MRPS31: variants seen among roughly 807,000 people sequenced by gnomAD.
MRPS31 encodes the protein mitochondrial ribosomal protein S31, also known as small ribosomal subunit protein mS31.
In MRPS31, 32 loss-of-function variants were observed where a neutral mutation model predicts 43.1. That is an observed-to-expected ratio of 0.74 (90% confidence interval 0.56 to 1.00). The LOEUF (loss-of-function observed/expected upper bound fraction) is 1.00. Ranked by LOEUF, MRPS31 falls within the 50% of genes least tolerant of loss-of-function variation. The pLI, the probability that MRPS31 is intolerant of heterozygous loss-of-function variation, is 0.00. For synonymous variants in MRPS31, 165 were observed against 161.6 expected (o/e 1.02, Z -0.16); for missense variants, 437 against 466.7 (o/e 0.94, Z 0.59).
At chr13:40,735,705 C>T (rs1463257641) in intron 6 of MRPS31, among the ~76,000 whole-genome samples, 1 of 151,964 alleles carries the variant, frequency 6.6e-6, no homozygotes, top group Non-Finnish European at 1.5e-5. Flanking sequence ...CTCCAACAGA[C>T]CTGCAGCTGA....
At chr13:40,762,084 G>GA (rs796507263) in intron 2 of MRPS31, among the ~76,000 whole-genome samples, 169 of 142,152 alleles carry the variant, frequency 1.2e-3, no homozygotes, top group African/African-American at 1.1e-3. Context: ...TCTACAAAAA[G>GA]AAAAAAAAAA....
rs986319692 is a variant in MRPS31, at chr13:40,729,249, G to A, written c.*123C>T. The A allele has an allele frequency of 2.8e-5, 16 of 561,512 alleles. No homozygotes were observed. Among genetic ancestry groups the A allele is most frequent in the African/African-American group, 2.7e-4 (14 of 52,792 alleles). The allele number at this position is 561,512 out of a possible 1,614,324, so 34.8% of individuals were successfully genotyped here. On this transcript the variant is annotated 3_prime_UTR_variant, in exon 7 of 7. Transcript: ENST00000323563. ...TTACCATCATATTTTTGAAAACAAT[G>A]TAACATTTATACCAGCCAAATCAAA...
At position 40,758,931 on chromosome 13, in the gene MRPS31, G is replaced by A. The variant is rs2138012949; in HGVS notation, c.599+17C>T. 4 of 1,549,294 alleles carry A rather than the reference G, an allele frequency of 2.6e-6. No homozygotes were observed. In the East Asian group the frequency reaches 9.2e-5, roughly 36 times the overall value. ...TGAGATATAAACATTACTGACTTAA[G>A]GGTTTGATTCACTCACCTAATTTTA... On this transcript the variant is annotated intron_variant, in intron 3 of 6. Transcript: ENST00000323563.
chr13:40,761,657 TC>T (rs1880698293), intron 2 of MRPS31, among the ~76,000 whole-genome samples: 1 of 152,310 alleles, frequency 6.6e-6, no homozygotes, highest in Admixed American at 6.5e-5. Flanking sequence ...ATCTATTCTA[TC>T]CTGTAATTAA....
rs1880615202 is a variant in MRPS31, at chr13:40,758,984, G to A, written c.563C>T (p.Ser188Leu). 1.2e-6 allele frequency: 2 copies of A among 1,606,878 alleles called. No homozygotes were observed. The highest frequency in any genetic ancestry group is 1.7e-6 in the Non-Finnish European group (2 of 1,177,790). ...LSQLQQHEEE[S>L]RAQRDAKRPK... ...TCGCTTTGCATCTCTCTGTGCCCTT[G>A]ACTCTTCCTCATGCTGCTGGAGCTG... Residue 188 changes from serine to leucine, a missense_variant, in exon 3 of 7, where the codon TCA becomes TTA. Ser to Leu is a moderately radical substitution (Grantham distance 145). Transcript: ENST00000323563.
chr13:40,765,639 C>T (rs1358668671), intron 2 of MRPS31, among the ~76,000 whole-genome samples: 5 of 152,156 alleles, frequency 3.3e-5, no homozygotes, highest in African/African-American at 1.2e-4. Flanking sequence ...ACTACCCAAT[C>T]ATACTTTCTA....
chr13:40,768,981 T>C (rs1302657673), intron 1 of MRPS31, among the ~76,000 whole-genome samples: 2 of 152,172 alleles, frequency 1.3e-5, no homozygotes, highest in Non-Finnish European at 2.9e-5. Flanking sequence ...GGGAGCTGAC[T>C]TAAAACACAA....
intron 6 of MRPS31, among the ~76,000 whole-genome samples, chr13:40,746,917 G>A (rs1880253787): frequency 6.6e-6 from 1 of 152,066 alleles, no homozygotes; most frequent in Non-Finnish European, 1.5e-5. Context: ...TGTATAATGA[G>A]TCCTATTATT....
chr13:40,734,135 A>T (rs1879798869), intron 6 of MRPS31, among the ~76,000 whole-genome samples: 1 of 152,158 alleles, frequency 6.6e-6, no homozygotes, highest in Admixed American at 6.5e-5. Context: ...AATGGAGCAA[A>T]GGCTTATTGT....
chr13:40,764,751 T>C (rs1462007945), intron 2 of MRPS31, among the ~76,000 whole-genome samples: 2 of 152,090 alleles, frequency 1.3e-5, no homozygotes, highest in Non-Finnish European at 2.9e-5. Flanking sequence ...GACCTATGAG[T>C]GAGCAAACTT....
intron 6 of MRPS31, among the ~76,000 whole-genome samples, chr13:40,739,663 A>C (rs974368332): frequency 6.6e-6 from 1 of 152,084 alleles, no homozygotes; most frequent in Non-Finnish European, 1.5e-5. Context: ...ATCTTTGACA[A>C]ACCTGAGAAA....
At chr13:40,757,313 T>C (rs567650529) in intron 3 of MRPS31, among the ~76,000 whole-genome samples, 45 of 152,318 alleles carry the variant, frequency 3.0e-4, no homozygotes, top group South Asian at 6.2e-4. Flanking sequence ...GTATCTGTTA[T>C]ACCTATCACC....
Position 40,751,665 on chromosome 13 carries a change from C to T in MRPS31, c.814+2354G>A, listed in dbSNP as rs370568682. Among the ~76,000 whole-genome samples the T allele has an allele frequency of 8.1e-4, 124 of 152,294 alleles. 3 individuals carry two copies. In the South Asian group the frequency reaches 0.024, roughly 29 times the overall value. On this transcript the variant is annotated intron_variant, in intron 5 of 6. Transcript: ENST00000323563. The stretch of plus-strand genomic sequence containing the variant: ...TACTGAATGCCAACTGTATTTCCAG[C>T]ATTATTTCAGGTGGTGGGAAAACAA...
intron 6 of MRPS31, among the ~76,000 whole-genome samples, chr13:40,748,442 C>T (rs1880300727): frequency 6.6e-6 from 1 of 152,254 alleles, no homozygotes; most frequent in Non-Finnish European, 1.5e-5. Context: ...CAGGCGTGAG[C>T]CGCACCCAGC....
In MRPS31 at chr13:40,729,486, A is replaced by G; in HGVS notation, c.1074T>C (p.Leu358=). The G allele has an allele frequency of 5.6e-6, 9 of 1,613,826 alleles. No homozygotes were observed. Among genetic ancestry groups the G allele is most frequent in the Non-Finnish European group, 7.6e-6 (9 of 1,179,812 alleles). Residue 358 remains leucine, a synonymous_variant, in exon 7 of 7, where the codon CTT becomes CTC. Transcript: ENST00000323563. ...TAACACTAAGATATGGGTTTTTGGA[A>G]AGGCCACAAGTCACCAGCTCCATGA... ...RHFMELVTCG[L]SKNPYLSVKQ...
chr13:40,766,840 G>T lies in MRPS31; in HGVS notation c.346C>A (p.Arg116=), dbSNP rs775319985. 6.2e-7 allele frequency: 1 copy of T among 1,613,914 alleles called. No homozygotes were observed. The highest frequency in any genetic ancestry group is 2.2e-5 in the East Asian group (1 of 44,876). ...CTTCTTTTGGGGGGCTTTGTTGTTC[G>T]TACATTTACTGTGCTTAATTCAACT... ...MKVELSTVNV[R]TTKPPKRRPL... is the part of the protein sequence containing the mutation. Residue 116 remains arginine, a synonymous_variant, in exon 2 of 7, where the codon CGA becomes AGA. Coordinates refer to ENST00000323563, the MANE Select transcript of MRPS31 (RefSeq NM_005830.4).
intron 2 of MRPS31, among the ~76,000 whole-genome samples, 198 bp downstream of exon 2, chr13:40,766,548 T>G (rs7986077): frequency 0.43 from 65,921 of 151,856 alleles, 16,377 homozygotes; most frequent in East Asian, 0.77. Context: ...GCCCGCCTCG[T>G]CCTCCCAAAG....
At chr13:40,767,282 C>T (rs949907837) in intron 1 of MRPS31, among the ~76,000 whole-genome samples, 6 of 152,000 alleles carry the variant, frequency 3.9e-5, no homozygotes, top group African/African-American at 1.2e-4. Context: ...CTCAACCTCC[C>T]GAGCAGCTAG....
chr13:40,771,113 G>A lies in MRPS31; in HGVS notation c.24C>T (p.Phe8=), dbSNP rs772260101. The change falls in exon 1 of 7, where the codon TTC becomes TTT. Residue 8 remains phenylalanine, a synonymous_variant. Transcript: ENST00000323563. MFPRVST[F]LPLRPLSRHP... Reference sequence around the variant, plus strand: ...GGCGGGAAAGGGGGCGAAGAGGTAGGAACGTCGAGACTCTAGGAAACATCG... The same window carrying A: ...GGCGGGAAAGGGGGCGAAGAGGTAGAAACGTCGAGACTCTAGGAAACATCG... The A allele has an allele frequency of 3.1e-6, 5 of 1,612,822 alleles. No homozygotes were observed. The highest frequency in any genetic ancestry group is 3.4e-6 in the Non-Finnish European group (4 of 1,179,308).
Sources: allele counts gnomAD v4.1 joint callset (sites outside exome capture counted in the v4.1 genomes callset), GRCh38; gene constraint gnomAD v4.1.1; transcripts MANE v1.5; gene names NCBI Gene and HGNC (gene_info 2026-07-23, HGNC 2026-07-21).